RAB38: variants seen among roughly 807,000 people sequenced by gnomAD.
The protein encoded by RAB38 is ras-related protein Rab-38.
RAB38 carries 15 observed loss-of-function variants against 18.4 expected under a neutral mutation model. The ratio of observed to expected loss-of-function variants is 0.82; its 90% confidence interval spans 0.55 to 1.26. The LOEUF (loss-of-function observed/expected upper bound fraction) is 1.26. RAB38 is among the 50% of genes most tolerant of loss of function. RAB38 has a pLI of 0.00. For synonymous variants in RAB38, 101 were observed against 104.4 expected (o/e 0.97, Z 0.20); for missense variants, 294 against 267.4 (o/e 1.10, Z -0.69).
the RAB38 span, among the ~76,000 whole-genome samples, chr11:87,938,333 C>T: frequency 6.6e-6 from 1 of 151,992 alleles, no homozygotes; most frequent in African/African-American, 2.4e-5. Flanking sequence ...GGAAGCTCAG[C>T]CTCCCCATAT....
intron 2 of RAB38, among the ~76,000 whole-genome samples, chr11:88,128,063 AT>A (rs2134790281): frequency 6.6e-6 from 1 of 152,282 alleles, no homozygotes; most frequent in Non-Finnish European, 1.5e-5. Context: ...CACAAAAGAA[AT>A]TGTGACTTCT....
At chr11:87,883,190 G>T in the RAB38 span, among the ~76,000 whole-genome samples, 1 of 151,814 alleles carries the variant, frequency 6.6e-6, no homozygotes, top group Non-Finnish European at 1.5e-5. Flanking sequence ...TAGATCACTC[G>T]ATATTTCTCC....
At chr11:87,835,798 T>C in the RAB38 span, among the ~76,000 whole-genome samples, 18 of 152,186 alleles carry the variant, frequency 1.2e-4, no homozygotes, top group Non-Finnish European at 2.5e-4. Context: ...TCTACAACTG[T>C]GGGAAAATAA....
chr11:87,936,604 G>C, the RAB38 span, among the ~76,000 whole-genome samples: 1 of 152,040 alleles, frequency 6.6e-6, no homozygotes, highest in Non-Finnish European at 1.5e-5. Context: ...TGAAATTTGG[G>C]TAGATGGATT....
chr11:87,953,841 A>G, the RAB38 span, among the ~76,000 whole-genome samples: 3 of 150,432 alleles, frequency 2.0e-5, no homozygotes, highest in African/African-American at 7.3e-5. Flanking sequence ...CCAAGATGGA[A>G]TCTGTGTTTT....
the RAB38 span, among the ~76,000 whole-genome samples, chr11:87,849,834 CTTG>C: frequency 6.6e-6 from 1 of 152,084 alleles, no homozygotes; most frequent in South Asian, 2.1e-4. Flanking sequence ...AAACAATGAT[CTTG>C]TTTCTTGCCT....
At chr11:88,106,093 C>T in the RAB38 span, among the ~76,000 whole-genome samples, 2 of 151,946 alleles carry the variant, frequency 1.3e-5, no homozygotes, top group Admixed American at 6.6e-5. Flanking sequence ...TCTTATTAAC[C>T]CACTCTCCCT....
chr11:88,026,390 C>T, the RAB38 span, among the ~76,000 whole-genome samples: 11 of 151,180 alleles, frequency 7.3e-5, no homozygotes, highest in Non-Finnish European at 8.8e-5. Context: ...AGTGAAATCC[C>T]GTCTCCACTA....
At chr11:87,867,206 G>A in the RAB38 span, among the ~76,000 whole-genome samples, 2 of 151,720 alleles carry the variant, frequency 1.3e-5, no homozygotes, top group African/African-American at 4.8e-5. Context: ...AGCTAATTGG[G>A]ATAATACCTC....
chr11:87,860,312 T>TA, the RAB38 span, among the ~76,000 whole-genome samples: 1 of 151,976 alleles, frequency 6.6e-6, no homozygotes, highest in Non-Finnish European at 1.5e-5. Context: ...TCTCTTAACT[T>TA]ACAGAATTAA....
At chr11:87,869,864 C>T in the RAB38 span, among the ~76,000 whole-genome samples, 1 of 151,604 alleles carries the variant, frequency 6.6e-6, no homozygotes, top group Non-Finnish European at 1.5e-5. Context: ...AAAGGGTATG[C>T]CTGTTGCCAA....
the RAB38 span, among the ~76,000 whole-genome samples, chr11:88,008,187 TTTG>T: frequency 2.6e-5 from 4 of 152,138 alleles, no homozygotes. Flanking sequence ...AAATTATACA[TTTG>T]ATATCTATAT....
chr11:87,881,302 G>A, the RAB38 span, among the ~76,000 whole-genome samples: 4 of 151,936 alleles, frequency 2.6e-5, no homozygotes, highest in South Asian at 4.1e-4. Context: ...TGTTTTATCC[G>A]TGGGTTATTA....
the RAB38 span, among the ~76,000 whole-genome samples, chr11:88,054,026 C>T: frequency 1.3e-5 from 2 of 152,282 alleles, no homozygotes; most frequent in African/African-American, 4.8e-5. Context: ...AGTCATTAAA[C>T]CTGCCTTGAT....
At chr11:87,934,070 G>A in the RAB38 span, among the ~76,000 whole-genome samples, 114 of 152,198 alleles carry the variant, frequency 7.5e-4, no homozygotes, top group Non-Finnish European at 1.2e-3. Flanking sequence ...TAACCTTCCA[G>A]CATCTCCCTG....
At chr11:88,028,086 T>C in the RAB38 span, among the ~76,000 whole-genome samples, 179 of 152,322 alleles carry the variant, frequency 1.2e-3, 2 homozygotes, top group African/African-American at 3.9e-3. Flanking sequence ...ACCACTGTTC[T>C]GCAGACACCG....
intron 2 of RAB38, among the ~76,000 whole-genome samples, chr11:88,140,442 C>A (rs375417295): frequency 2.6e-5 from 4 of 152,188 alleles, no homozygotes; most frequent in South Asian, 2.1e-4. Flanking sequence ...TCAAAATATT[C>A]TTTTCCATCC....
chr11:87,804,252 G>A, the RAB38 span, among the ~76,000 whole-genome samples: 1 of 152,110 alleles, frequency 6.6e-6, no homozygotes, highest in Non-Finnish European at 1.5e-5. Flanking sequence ...TCTCCAATGA[G>A]TAATCTAAAT....
At chr11:87,836,296 T>C in the RAB38 span, among the ~76,000 whole-genome samples, 1 of 152,200 alleles carries the variant, frequency 6.6e-6, no homozygotes, top group Admixed American at 6.5e-5. Context: ...GATGACTAAA[T>C]ATATTTCTCT....
Sources: gnomAD v4.1 joint callset for allele counts (sites outside exome capture counted in the v4.1 genomes callset) on GRCh38, gnomAD v4.1.1 for gene constraint, MANE v1.5 for transcripts, NCBI Gene and HGNC (gene_info 2026-07-23, HGNC 2026-07-21) for gene names.